Variants in GSN observed in about 807,000 individuals in gnomAD.
GSN encodes actin-depolymerizing factor.
In GSN, 56 loss-of-function variants were observed where a neutral mutation model predicts 85.7. The ratio of observed to expected loss-of-function variants is 0.65; its 90% CI spans 0.53 to 0.82. The LOEUF is 0.82. GSN is among the 40% of genes least tolerant of loss of function. GSN has a pLI of 0.00. For missense variants in GSN, 857 were observed against 979.8 expected, an observed-to-expected ratio of 0.87 and a Z score of 1.67; for synonymous variants, 373 against 399.1, an observed-to-expected ratio of 0.93 and a Z score of 0.78.
At chr9:121,286,621 G>A (rs1043454294) in intron 2 of GSN, 1 of 1,522,888 alleles carries the variant, frequency 6.6e-7, no homozygotes, top group South Asian at 1.2e-5. Context: ...CTGCTTGAAT[G>A]ACTATTGGTG....
In GSN at chr9:121,324,539, C is replaced by T. The variant is rs1179272229; in HGVS notation, c.1326-15C>T. The T allele has an allele frequency of 7.1e-7, 1 of 1,399,374 alleles. No homozygotes were observed. The highest frequency in any genetic ancestry group is 9.9e-7 in the Non-Finnish European group (1 of 1,009,908). 86.7% of individuals were successfully genotyped at this position (1,399,374 alleles called of 1,614,324 possible). A position where few individuals can be genotyped will look rare whatever the true frequency, so the allele number is the denominator to read the frequency against. ...CTGTGTGCACCCTGATGCTGAATCT[C>T]ACTTCCCCTTCCAGGCAGGGTGCCC... On this transcript the variant is annotated splice_polypyrimidine_tract_variant and intron_variant, in intron 11 of 17. Transcript: ENST00000432226.
At chr9:121,238,699 T>C in intron 5 of GSN, 1 of 376,616 alleles carries the variant, frequency 2.7e-6, no homozygotes, top group Middle Eastern at 4.3e-4. Context: ...TTGGGGAAGA[T>C]TAGGAACAGT....
Position 121,229,381 on chromosome 9 carries a change from C to T in GSN, c.-527-1784C>T, listed in dbSNP as rs534845766. Among the ~76,000 whole-genome samples, 93 of 152,224 alleles carry T rather than the reference C, an allele frequency of 6.1e-4. 1 individual carries two copies. The highest frequency in any genetic ancestry group is 2.0e-3 in the African/African-American group (83 of 41,548). ...GACTGCAGGCATGCGCCACCACACC[C>T]GGCTAATTTTGTATTTTTAGTAGAG... On this transcript the variant is annotated intron_variant, in intron 4 of 24. Coordinates refer to the GSN transcript ENST00000373823.
chr9:121,273,694 G>A (rs955341166), intron 1 of GSN, among the ~76,000 whole-genome samples: 3 of 151,496 alleles, frequency 2.0e-5, no homozygotes, highest in Non-Finnish European at 4.4e-5. Context: ...ACATTATATC[G>A]TAAGTATTTT....
chr9:121,316,391 G>GT (rs1172406010), intron 7 of GSN, among the ~76,000 whole-genome samples: 1 of 152,120 alleles, frequency 6.6e-6, no homozygotes, highest in Non-Finnish European at 1.5e-5. Context: ...GATTTCCCCA[G>GT]TTTTTTATTC....
intron 4 of GSN, chr9:121,309,335 C>G (rs1243606981): frequency 2.0e-5 from 3 of 152,142 alleles, no homozygotes; most frequent in African/African-American, 7.2e-5. Context: ...TCCTGAACGC[C>G]TTGCTCTGGG....
chr9:121,311,164 G>A, intron 5 of GSN: 1 of 409,092 alleles, frequency 2.4e-6, no homozygotes, highest in Non-Finnish European at 4.6e-6. Context: ...TTGCCCACCA[G>A]GTGTGCACAT....
intron 2 of GSN, among the ~76,000 whole-genome samples, chr9:121,296,013 T>G (rs2133039057): frequency 6.6e-6 from 1 of 152,312 alleles, no homozygotes; most frequent in Admixed American, 6.5e-5. Flanking sequence ...GCCTGGGCAG[T>G]CACATCAGGT....
At chr9:121,250,763 T>C (rs2054808048) in intron 6 of GSN, among the ~76,000 whole-genome samples, 1 of 151,986 alleles carries the variant, frequency 6.6e-6, no homozygotes, top group Admixed American at 6.6e-5. Context: ...GGTCTCGAAC[T>C]CCCGACCTCA....
chr9:121,259,756 G>A (rs986941984), intron 6 of GSN, among the ~76,000 whole-genome samples: 4 of 152,304 alleles, frequency 2.6e-5, no homozygotes, highest in Admixed American at 6.5e-5. Flanking sequence ...AGAGCCTTTC[G>A]TGGGTCTCAT....
At chr9:121,291,503 C>G (rs1171191826) in intron 2 of GSN, among the ~76,000 whole-genome samples, 1 of 150,564 alleles carries the variant, frequency 6.6e-6, no homozygotes, top group African/African-American at 2.4e-5. Context: ...ACCGCAACCT[C>G]CATCTCGTGG....
intron 2 of GSN, chr9:121,286,557 C>T (rs1245791362): frequency 9.0e-6 from 13 of 1,445,014 alleles, no homozygotes; most frequent in African/African-American, 5.7e-5. Flanking sequence ...GCCCCTCCTC[C>T]GTGGCTCTGT....
intron 10 of GSN, among the ~76,000 whole-genome samples, chr9:121,320,316 C>T (rs564363635): frequency 7.9e-5 from 12 of 152,344 alleles, no homozygotes; most frequent in Non-Finnish European, 1.5e-4. Flanking sequence ...ACTGAGGTTG[C>T]CTCGTGGTGT....
intron 6 of GSN, among the ~76,000 whole-genome samples, chr9:121,251,822 G>A (rs976618250): frequency 1.1e-4 from 16 of 152,024 alleles, no homozygotes; most frequent in African/African-American, 3.4e-4. Context: ...TTAGCCGGGT[G>A]TGGTGGCAGA....
At chr9:121,280,554 C>T (rs1315696203) in intron 1 of GSN, 3 of 152,176 alleles carry the variant, frequency 2.0e-5, no homozygotes, top group Non-Finnish European at 4.4e-5. Flanking sequence ...TATGACATAT[C>T]AACAGGGTGG....
intron 5 of GSN, 75 bp downstream of exon 5, chr9:121,310,920 G>C: frequency 7.4e-7 from 1 of 1,343,328 alleles, no homozygotes; most frequent in South Asian, 1.2e-5. Flanking sequence ...GTACATCCAC[G>C]TGAACAAATG....
intron 5 of GSN, chr9:121,311,343 T>G: frequency 5.5e-6 from 1 of 182,576 alleles, no homozygotes; most frequent in Non-Finnish European, 1.2e-5. Flanking sequence ...CACACTTGTC[T>G]CACAAATCCC....
chr9:121,309,562 G>C (rs11788156), intron 4 of GSN: 3,743 of 152,330 alleles, frequency 0.025, 59 homozygotes, highest in Non-Finnish European at 0.036. Flanking sequence ...GCATGGGCTG[G>C]AACAATCCAG....
intron 2 of GSN, among the ~76,000 whole-genome samples, chr9:121,290,550 A>G (rs971200571): frequency 9.9e-5 from 15 of 152,222 alleles, no homozygotes; most frequent in Non-Finnish European, 1.9e-4. Flanking sequence ...TTTCTCTTTT[A>G]AAAAATACAA....
Sources: gnomAD v4.1 joint callset for allele counts (sites outside exome capture counted in the v4.1 genomes callset) on GRCh38, gnomAD v4.1.1 for gene constraint, MANE v1.5 for transcripts, NCBI Gene and HGNC (gene_info 2026-07-23, HGNC 2026-07-21) for gene names.